NDRG3: variants seen among roughly 807,000 people sequenced by gnomAD.
The protein encoded by NDRG3 is protein NDRG3.
In NDRG3, 23 loss-of-function variants were observed where a neutral mutation model predicts 57.2. That is an observed-to-expected ratio of 0.40 (90% CI 0.29 to 0.57). The LOEUF (loss-of-function observed/expected upper bound fraction) is 0.57. NDRG3 is among the 20% of genes least tolerant of loss of function. NDRG3 has a pLI of 0.42. For missense variants in NDRG3, 384 were observed against 457.3 expected, an observed-to-expected ratio of 0.84 and a Z score of 1.46; for synonymous variants, 132 against 162.6, an observed-to-expected ratio of 0.81 and a Z score of 1.43.
intron 15 of NDRG3, among the ~76,000 whole-genome samples, chr20:36,655,197 G>A (rs908618246): frequency 1.3e-5 from 2 of 151,400 alleles, no homozygotes; most frequent in African/African-American, 4.9e-5. Context: ...GGTTGGTAGC[G>A]GCTCACAGGC....
At chr20:36,672,828 CA>C (rs1269407865) in intron 8 of NDRG3, among the ~76,000 whole-genome samples, 5,648 of 117,772 alleles carry the variant, frequency 0.048, 344 homozygotes, top group African/African-American at 0.15. Context: ...GATTCCGTCT[CA>C]AAAAAAAAAA....
intron 2 of NDRG3, among the ~76,000 whole-genome samples, chr20:36,715,000 GTGTGTGTATATATATA>G (rs1229977592): frequency 4.9e-3 from 278 of 56,528 alleles, no homozygotes; most frequent in East Asian, 9.6e-3. Flanking sequence ...GTGTGTGTGT[GTGTGTGTATATATATA>G]TATATATATA....
intron 1 of NDRG3, among the ~76,000 whole-genome samples, chr20:36,732,180 C>T (rs1487851875): frequency 1.3e-5 from 2 of 152,046 alleles, no homozygotes; most frequent in Non-Finnish European, 2.9e-5. Flanking sequence ...GAAATGCAAG[C>T]AAAAATGTCA....
chr20:36,653,416 C>T lies in NDRG3; in HGVS notation c.*104G>A. 1 of 986,306 alleles carries T rather than the reference C, an allele frequency of 1.0e-6. No individual in the cohort carries two copies. Among genetic ancestry groups the T allele is most frequent in the Non-Finnish European group, 1.5e-6 (1 of 668,592 alleles). 61.1% of individuals were successfully genotyped at this position (986,306 alleles called of 1,614,324 possible). ...ACTAGAGAGAGGTTCAGTGGCCATGCATGAGTTAAAGATAGTAGAGGCCAG... is the reference window on the plus strand; with the variant it reads ...ACTAGAGAGAGGTTCAGTGGCCATGTATGAGTTAAAGATAGTAGAGGCCAG... On this transcript the variant is annotated 3_prime_UTR_variant, in exon 16 of 16. Coordinates refer to ENST00000349004, the MANE Select transcript of NDRG3 (RefSeq NM_032013.4). This position sits in a 1 kb window ranked among gnomAD's most constrained non-coding sequence, Gnocchi z 4.2.
rs1978335961 is a variant in NDRG3 at position 36,652,889 on chromosome 20, C to G, written c.*631G>C. 6.6e-6 allele frequency: 1 copy of G among 152,240 alleles called. No homozygotes were observed. The highest frequency in any genetic ancestry group is 2.4e-5 in the African/African-American group (1 of 41,442). The allele number at this position is 152,240 out of a possible 1,614,324, so 9.4% of individuals were successfully genotyped here. ...CAGAAATTCATTTGGACAGAAGGAG[C>G]CTCTCTATGTAACAGGCACCCTTCT... On this transcript the variant is annotated 3_prime_UTR_variant, in exon 16 of 16. Transcript: ENST00000349004.
intron 12 of NDRG3, among the ~76,000 whole-genome samples, chr20:36,660,685 C>A (rs1041909983): frequency 6.6e-6 from 1 of 151,666 alleles, no homozygotes; most frequent in Non-Finnish European, 1.5e-5. Context: ...CTCAGCCTCC[C>A]GAGTAGCTGG....
intron 2 of NDRG3, among the ~76,000 whole-genome samples, chr20:36,715,509 GT>G (rs376599701): frequency 1.0e-3 from 142 of 140,688 alleles, no homozygotes; most frequent in African/African-American, 1.0e-3. Flanking sequence ...CTCCCCCTAG[GT>G]TTTTTTTTTT....
chr20:36,656,830 A>C (rs559377514), intron 13 of NDRG3, among the ~76,000 whole-genome samples: 1 of 152,314 alleles, frequency 6.6e-6, no homozygotes, highest in South Asian at 2.1e-4. Flanking sequence ...AAACCACCTG[A>C]AGAAGGTTCC....
At chr20:36,670,689 G>T (rs1011036171) in intron 9 of NDRG3, among the ~76,000 whole-genome samples, 1 of 152,138 alleles carries the variant, frequency 6.6e-6, no homozygotes, top group East Asian at 1.9e-4. Context: ...TTTTCCTTCA[G>T]ATAACATTTA....
rs868740078 is a variant in NDRG3, at chr20:36,656,284, T to C, written c.946+76A>G. The C allele has an allele frequency of 9.5e-5, 136 of 1,433,598 alleles. No individual in the cohort carries two copies. The African/African-American group carries it at 1.5e-3, about 16-fold the overall frequency. The allele number at this position is 1,433,598 out of a possible 1,614,324, so 88.8% of individuals were successfully genotyped here. A position where few individuals can be genotyped will look rare whatever the true frequency, so the allele number is the denominator to read the frequency against. On this transcript the variant is annotated intron_variant, in intron 15 of 15. Transcript: ENST00000349004. Reference sequence around the variant, plus strand: ...TGCCACAGAGGTTATATCTCAAGAATTGTGGGCTCCCAGATGTGAAACTGG... The same window carrying C: ...TGCCACAGAGGTTATATCTCAAGAACTGTGGGCTCCCAGATGTGAAACTGG...
At chr20:36,665,936 G>A (rs193144044) in intron 10 of NDRG3, among the ~76,000 whole-genome samples, 1 of 152,262 alleles carries the variant, frequency 6.6e-6, no homozygotes, top group Admixed American at 6.5e-5. Flanking sequence ...TTAAGAGAAT[G>A]ACTTACACTT....
chr20:36,736,235 A>G (rs79926634), intron 1 of NDRG3, among the ~76,000 whole-genome samples: 4,268 of 152,306 alleles, frequency 0.028, 240 homozygotes, highest in African/African-American at 0.098. Context: ...AAGATTATCA[A>G]TGACTCAGCC....
chr20:36,697,642 A>G (rs375693853), intron 3 of NDRG3, among the ~76,000 whole-genome samples: 4 of 151,438 alleles, frequency 2.6e-5, no homozygotes, highest in African/African-American at 9.7e-5. Flanking sequence ...CGGGAGGCGG[A>G]GGTTGCAGTG....
At chr20:36,668,486 G>A (rs1979829089) in intron 9 of NDRG3, 1 of 152,002 alleles carries the variant, frequency 6.6e-6, no homozygotes, top group Admixed American at 6.6e-5. Context: ...AACCATGTTT[G>A]TTTCCATTTC....
chr20:36,653,732 T>G lies in NDRG3; in HGVS notation c.947-31A>C, dbSNP rs1227641163. 6.3e-7 allele frequency: 1 copy of G among 1,598,504 alleles called. No homozygotes were observed. Among genetic ancestry groups the G allele is most frequent in the Non-Finnish European group, 8.5e-7 (1 of 1,172,322 alleles). On this transcript the variant is annotated intron_variant, in intron 15 of 15. Transcript: ENST00000349004. The surrounding 1 kb of genome is among the most constrained non-coding windows in gnomAD (Gnocchi z 4.2). ...ACAGAGAACCAAGGGGACTAGAAGA[T>G]GAAGCCCCGGTTAAGCCCAGCTAAC...
intron 2 of NDRG3, among the ~76,000 whole-genome samples, chr20:36,718,642 A>G (rs1365426036): frequency 1.3e-5 from 2 of 152,082 alleles, no homozygotes; most frequent in African/African-American, 4.8e-5. Flanking sequence ...CTGTGTCCCC[A>G]TATGGCAGGG....
intron 2 of NDRG3, among the ~76,000 whole-genome samples, chr20:36,716,172 C>T (rs1984262445): frequency 6.6e-6 from 1 of 152,090 alleles, no homozygotes; most frequent in Admixed American, 6.6e-5. Flanking sequence ...AGTTCTAACA[C>T]CCTCCTCCCT....
rs374392639 is a variant in NDRG3, at chr20:36,665,275, G to C, written c.719C>G (p.Pro240Arg). 1 of 1,614,082 alleles carries C rather than the reference G, an allele frequency of 6.2e-7. No individual in the cohort carries two copies. The highest frequency in any genetic ancestry group is 8.5e-7 in the Non-Finnish European group (1 of 1,180,018). The stretch of plus-strand genomic sequence containing the variant: ...TTTGTTATCATTTTGGCCCAGTATG[G>C]GTCTTTCGATCTCCAGGTCTCTGCG... ...NGRRDLEIER[P>R]ILGQNDNKSK... The change falls in exon 11 of 16, where the codon CCC (proline) becomes CGC (arginine). Residue 240 changes from proline (P) to arginine (R), a missense_variant. Transcript: ENST00000349004.
At chr20:36,692,918 TA>T (rs1274100984) in intron 3 of NDRG3, among the ~76,000 whole-genome samples, 1 of 148,308 alleles carries the variant, frequency 6.7e-6, no homozygotes, top group African/African-American at 2.5e-5. Flanking sequence ...TACAAAAAAA[TA>T]AAAACATTAG....
Sources: gnomAD v4.1 joint callset for allele counts (sites outside exome capture counted in the v4.1 genomes callset) on GRCh38, gnomAD v4.1.1 for gene constraint, Gnocchi (gnomAD v3.1) non-coding constraint, MANE v1.5 for transcripts, NCBI Gene and HGNC (gene_info 2026-07-23, HGNC 2026-07-21) for gene names.